Variants in NAA15 observed in about 807,000 individuals in gnomAD.
NAA15 encodes N-alpha-acetyltransferase 15, NatA auxiliary subunit.
Under a neutral mutation model 114.0 loss-of-function variants are expected in NAA15, and 34 were observed. The observed-to-expected ratio is 0.30, with a 90% CI of 0.23 to 0.40. The LOEUF is 0.40. Among genes scored for constraint, NAA15 ranks in the 10% least tolerant of loss-of-function variants. The pLI is 1.00. For missense variants in NAA15, 658 were observed against 1,004.5 expected (o/e 0.66, Z 4.66); for synonymous variants, 340 against 338.0 (o/e 1.01, Z -0.06).
intron 14 of NAA15, among the ~76,000 whole-genome samples, chr4:139,362,500 T>C (rs1349773447): frequency 2.0e-5 from 3 of 152,186 alleles, no homozygotes; most frequent in African/African-American, 7.2e-5. Context: ...CTCGAACCCC[T>C]GACCTCAAGT....
chr4:139,325,838 T>G (rs1278977465), intron 1 of NAA15, among the ~76,000 whole-genome samples: 1 of 151,874 alleles, frequency 6.6e-6, no homozygotes, highest in Non-Finnish European at 1.5e-5. Flanking sequence ...GTAGAGACAG[T>G]GGGTCTCAAA....
intron 3 of NAA15, among the ~76,000 whole-genome samples, chr4:139,338,823 G>A (rs1747281880): frequency 6.6e-6 from 1 of 151,014 alleles, no homozygotes; most frequent in East Asian, 2.0e-4. Context: ...TTGTTTGTTT[G>A]TTTTTGAGAT....
At chr4:139,348,463 A>C (rs1359410831) in intron 6 of NAA15, among the ~76,000 whole-genome samples, 1 of 152,050 alleles carries the variant, frequency 6.6e-6, no homozygotes, top group Non-Finnish European at 1.5e-5. Context: ...AAAAAAAAAA[A>C]AAAAAAAGTC....
At chr4:139,318,017 G>A (rs1428345012) in intron 1 of NAA15, among the ~76,000 whole-genome samples, 2 of 152,158 alleles carry the variant, frequency 1.3e-5, no homozygotes, top group African/African-American at 4.8e-5. Context: ...ACATTTACAA[G>A]AGTATAATAT....
chr4:139,363,008 C>T (rs1392095018), intron 14 of NAA15, among the ~76,000 whole-genome samples: 2 of 152,074 alleles, frequency 1.3e-5, no homozygotes, highest in African/African-American at 4.8e-5. Flanking sequence ...AGTTTTACTT[C>T]CTGTTGCCTA....
In NAA15 at chr4:139,389,307, T is replaced by A. The variant is rs943407638; in HGVS notation, c.*1223T>A. On this transcript the variant is annotated 3_prime_UTR_variant, in exon 20 of 20. Transcript: ENST00000296543. ...AAGGTACCAAATATGATGCAATAAATTGTTTTGAAAAACAGTTGTGTGAAT... is the reference window on the plus strand; with the variant it reads ...AAGGTACCAAATATGATGCAATAAAATGTTTTGAAAAACAGTTGTGTGAAT... 1 of 151,576 alleles carries A rather than the reference T, an allele frequency of 6.6e-6. No homozygotes were observed. The highest frequency in any genetic ancestry group is 2.0e-4 in the East Asian group (1 of 5,076). The allele number at this position is 151,576 out of a possible 1,614,324, so 9.4% of individuals were successfully genotyped here.
At chr4:139,350,687 T>C (rs1747748045) in intron 7 of NAA15, among the ~76,000 whole-genome samples, 1 of 152,214 alleles carries the variant, frequency 6.6e-6, no homozygotes, top group African/African-American at 2.4e-5. Flanking sequence ...TAATCACCAC[T>C]GTCTGCAAAA....
chr4:139,357,240 T>C lies in NAA15; in HGVS notation c.1088-146T>C, dbSNP rs192870307. On this transcript the variant is annotated intron_variant, in intron 10 of 19. Transcript: ENST00000296543. Reference sequence around the variant, plus strand: ...AATATGGACCTTTCCAAAGATCTTATAAACTTAGGAGGAGTTTTATAGCTA... The same window carrying C: ...AATATGGACCTTTCCAAAGATCTTACAAACTTAGGAGGAGTTTTATAGCTA... 3.0e-4 allele frequency: 204 copies of C among 679,880 alleles called. 1 individual carries two copies. The highest frequency in any genetic ancestry group is 2.1e-3 in the African/African-American group (115 of 54,742). The allele number at this position is 679,880 out of a possible 1,614,324, so 42.1% of individuals were successfully genotyped here. A position where few individuals can be genotyped will look rare whatever the true frequency, so the allele number is the denominator to read the frequency against.
At chr4:139,360,652 T>G (rs1748104054) in intron 13 of NAA15, 24 bp downstream of exon 13, 4 of 1,551,594 alleles carry the variant, frequency 2.6e-6, no homozygotes, top group Non-Finnish European at 3.5e-6. Flanking sequence ...ACATAAAAGT[T>G]TTCTTGTTTT....
At chr4:139,363,926 T>G (rs1748205115) in intron 14 of NAA15, among the ~76,000 whole-genome samples, 1 of 152,242 alleles carries the variant, frequency 6.6e-6, no homozygotes, top group Non-Finnish European at 1.5e-5. Flanking sequence ...TTTTGCCCAG[T>G]CTGGAGTCCA....
At chr4:139,341,114 A>G (rs1397414688) in intron 4 of NAA15, 45 bp downstream of exon 4, 3 of 1,320,888 alleles carry the variant, frequency 2.3e-6, no homozygotes, top group Non-Finnish European at 3.0e-6. Flanking sequence ...AGGGGAAAAT[A>G]TGTACAACTT....
Position 139,336,922 on chromosome 4 carries a change from G to T in NAA15, c.214G>T (p.Gly72Cys). ...KEEAYELVRR[G>C]LRNDLKSHVC... is the part of the protein sequence containing the mutation. ...AGAAGCTTATGAATTGGTTCGTAGAGGTTTGAGAAATGACTTGAAGAGTCA... is the reference window on the plus strand; with the variant it reads ...AGAAGCTTATGAATTGGTTCGTAGATGTTTGAGAAATGACTTGAAGAGTCA... The change falls in exon 3 of 20, where the codon GGT (glycine) becomes TGT (cysteine). Residue 72 changes from glycine to cysteine, a missense_variant. Gly to Cys is a radical substitution (Grantham distance 159). Around this residue, in one of 6 missense-constraint regions of NAA15, gnomAD observed 75 missense variants for 172.3 expected, o/e 0.44. Coordinates refer to ENST00000296543, the MANE Select transcript of NAA15 (RefSeq NM_057175.5). 1 of 1,600,838 alleles carries T rather than the reference G, an allele frequency of 6.2e-7. No individual in the cohort carries two copies. The highest frequency in any genetic ancestry group is 8.5e-7 in the Non-Finnish European group (1 of 1,173,354).
At chr4:139,342,999 G>A (rs1394919371) in intron 5 of NAA15, 39 bp downstream of exon 5, 3 of 1,549,390 alleles carry the variant, frequency 1.9e-6, no homozygotes, top group South Asian at 1.2e-5. Context: ...CTGATCCTAA[G>A]TATAACTAAA....
At chr4:139,350,474 C>A (rs1049251707) in intron 7 of NAA15, among the ~76,000 whole-genome samples, 18 of 152,140 alleles carry the variant, frequency 1.2e-4, no homozygotes, top group African/African-American at 4.3e-4. Flanking sequence ...CAGACGTGGT[C>A]CCCCAGTCAT....
intron 1 of NAA15, among the ~76,000 whole-genome samples, chr4:139,327,195 C>G (rs1303602048): frequency 1.3e-5 from 2 of 152,090 alleles, no homozygotes; most frequent in South Asian, 4.1e-4. Context: ...CCTTGGCCTT[C>G]CAAAGTGTTG....
At chr4:139,307,792 G>A (rs955139340) in intron 1 of NAA15, among the ~76,000 whole-genome samples, 9 of 152,038 alleles carry the variant, frequency 5.9e-5, no homozygotes, top group African/African-American at 2.2e-4. Flanking sequence ...GCTAGTGTTA[G>A]TTACAGTCTG....
In NAA15 at chr4:139,365,162, C is replaced by G. The variant is rs562559509; in HGVS notation, c.1753+3225C>G. On this transcript the variant is annotated intron_variant, in intron 14 of 19. Coordinates refer to ENST00000296543, the MANE Select transcript of NAA15 (RefSeq NM_057175.5). Reference sequence around the variant, plus strand: ...AAGCAATTGTCCTGCCTCAGCCTCCCAAGTAGCTGGGATTACAGGCGCCTG... The same window carrying G: ...AAGCAATTGTCCTGCCTCAGCCTCCGAAGTAGCTGGGATTACAGGCGCCTG... Among the ~76,000 whole-genome samples the G allele has an allele frequency of 3.2e-4, 48 of 152,222 alleles. 1 individual carries two copies. Among genetic ancestry groups the G allele is most frequent in the African/African-American group, 1.1e-3 (44 of 41,532 alleles).
chr4:139,317,305 G>T (rs796074573), intron 1 of NAA15, among the ~76,000 whole-genome samples: 4 of 151,082 alleles, frequency 2.6e-5, no homozygotes, highest in Admixed American at 2.6e-4. Context: ...TGGTTTTTAT[G>T]AGGATTTGTG....
chr4:139,339,505 C>T (rs1005621851), intron 3 of NAA15, among the ~76,000 whole-genome samples: 6 of 151,838 alleles, frequency 4.0e-5, no homozygotes, highest in Admixed American at 2.6e-4. Flanking sequence ...TTTTAAAAAA[C>T]GCAATAATTA....
Sources: allele counts gnomAD v4.1 joint callset (sites outside exome capture counted in the v4.1 genomes callset), GRCh38; gene constraint gnomAD v4.1.1; regional missense constraint gnomAD v4.1.1; transcripts MANE v1.5; gene names NCBI Gene and HGNC (gene_info 2026-07-23, HGNC 2026-07-21).